ZCCHC14: variants seen among roughly 807,000 people sequenced by gnomAD.
ZCCHC14 encodes zinc finger CCHC domain-containing protein 14.
In ZCCHC14, 16 loss-of-function variants were observed where a neutral mutation model predicts 85.0. The observed-to-expected ratio is 0.19, with a 90% CI of 0.13 to 0.29. ZCCHC14 has a LOEUF of 0.29. ZCCHC14 is among the 10% of genes least tolerant of loss of function. The probability of loss-of-function intolerance (pLI) is 1.00; values close to 1 mark genes in which losing one functional copy is unlikely to be tolerated. For synonymous variants in ZCCHC14, 775 were observed against 630.7 expected (o/e 1.23, Z -3.43); for missense variants, 1,303 against 1,443.5 (o/e 0.90, Z 1.58).
At chr16:87,461,667 G>GCCTCGA (rs1307684962) in intron 1 of ZCCHC14, among the ~76,000 whole-genome samples, 1 of 152,210 alleles carries the variant, frequency 6.6e-6, no homozygotes, top group Non-Finnish European at 1.5e-5. Flanking sequence ...GGTAGGCGTG[G>GCCTCGA]CCTCGACCTC....
Position 87,491,657 on chromosome 16 carries a change from G to T in ZCCHC14, c.570+12C>A, listed in dbSNP as rs1820939622. 10 of 1,397,694 alleles carry T rather than the reference G, an allele frequency of 7.2e-6. 1 individual carries two copies. In the African/African-American group the frequency reaches 7.6e-5, roughly 11 times the overall value. The allele number at this position is 1,397,694 out of a possible 1,614,324, so 86.6% of individuals were successfully genotyped here. On this transcript the variant is annotated intron_variant, in intron 1 of 12. Transcript: ENST00000671377. This position sits in a 1 kb window ranked among gnomAD's most constrained non-coding sequence, Gnocchi z 5.9. ...CTTGGGGTACAGGGCAGAGCTCGGGGCGGGCACGCACCTTGTGGCAGGCTG... is the reference window on the plus strand; with the variant it reads ...CTTGGGGTACAGGGCAGAGCTCGGGTCGGGCACGCACCTTGTGGCAGGCTG...
intron 2 of ZCCHC14, among the ~76,000 whole-genome samples, chr16:87,449,599 G>A (rs1160686614): frequency 6.6e-6 from 1 of 152,056 alleles, no homozygotes; most frequent in Non-Finnish European, 1.5e-5. Flanking sequence ...TCCGCCAAAT[G>A]TCTTTCTTTA....
chr16:87,457,983 C>G lies in ZCCHC14; in HGVS notation c.694+2025G>C, dbSNP rs147255330. Among the ~76,000 whole-genome samples the G allele has an allele frequency of 2.5e-3, 378 of 152,280 alleles. 2 individuals are homozygous for G. Among genetic ancestry groups the G allele is most frequent in the African/African-American group, 8.7e-3 (360 of 41,546 alleles). ...CACTCGTGGCCTCAGAGCCGACCCG[C>G]CAGCCTACGCAGGCTTTGCCACAGC... is the stretch of plus-strand genomic sequence containing the variant. On this transcript the variant is annotated intron_variant, in intron 2 of 12. Transcript: ENST00000671377.
intron 1 of ZCCHC14, chr16:87,467,010 T>C: frequency 2.4e-6 from 1 of 412,054 alleles, no homozygotes; most frequent in Non-Finnish European, 4.4e-6. Flanking sequence ...ACAGTCACTT[T>C]GGAGGTCACG....
At chr16:87,421,636 C>T (rs192382740) in intron 4 of ZCCHC14, among the ~76,000 whole-genome samples, 22 of 152,114 alleles carry the variant, frequency 1.4e-4, no homozygotes, top group African/African-American at 4.8e-5. Context: ...GTAGAGAGTG[C>T]CCTGCTGTGT....
chr16:87,413,641 T>C (rs552268176), intron 10 of ZCCHC14, among the ~76,000 whole-genome samples: 1 of 152,142 alleles, frequency 6.6e-6, no homozygotes, highest in East Asian at 1.9e-4. Flanking sequence ...GCTCCTCTTG[T>C]GAGACAACGG....
intron 2 of ZCCHC14, among the ~76,000 whole-genome samples, chr16:87,444,737 A>G (rs1323627526): frequency 1.3e-5 from 2 of 152,234 alleles, no homozygotes; most frequent in African/African-American, 2.4e-5. Context: ...TATCCGGGTC[A>G]TGAAAGACAA....
rs1911234153 is a variant in ZCCHC14, at chr16:87,461,105, C to G, written c.571-974G>C. ...CAGACAGTGTACCTGCAGGTGACGG[C>G]CGCCCCCAAGCTGTGGGTGGGGGAG... On this transcript the variant is annotated intron_variant, in intron 1 of 12. Coordinates refer to ENST00000671377, the MANE Select transcript of ZCCHC14 (RefSeq NM_015144.3). 2.0e-5 allele frequency among the ~76,000 whole-genome samples: 3 copies of G among 152,218 alleles called. No homozygotes were observed. The South Asian group carries it at 6.2e-4, about 31-fold the overall frequency.
At chr16:87,452,125 A>C (rs1910736622) in intron 2 of ZCCHC14, among the ~76,000 whole-genome samples, 1 of 152,262 alleles carries the variant, frequency 6.6e-6, no homozygotes, top group Non-Finnish European at 1.5e-5. Context: ...GGCCAGAGAC[A>C]GAGGGACCCA....
intron 1 of ZCCHC14, among the ~76,000 whole-genome samples, chr16:87,486,771 G>A (rs559500209): frequency 1.3e-4 from 20 of 152,354 alleles, no homozygotes; most frequent in Admixed American, 4.6e-4. Flanking sequence ...AAGACAGCCA[G>A]AAGACTTAGT....
Position 87,418,888 on chromosome 16 carries a change from G to A in ZCCHC14, c.1059C>T (p.Pro353=), listed in dbSNP as rs137981479. ...QQLQSPSPGN[P]SLSKVGTVMG... is the part of the protein sequence containing the mutation. Reference sequence around the variant, plus strand: ...TCACGGTACCTACTTTAGAAAGGGAGGGATTGCCAGGACCTATAAATTTAA... The same window carrying A: ...TCACGGTACCTACTTTAGAAAGGGAAGGATTGCCAGGACCTATAAATTTAA... Residue 353 remains proline (P), a synonymous_variant, in exon 7 of 13, where the codon CCC becomes CCT. Coordinates refer to ENST00000671377, the MANE Select transcript of ZCCHC14 (RefSeq NM_015144.3). 33 of 1,612,492 alleles carry A rather than the reference G, an allele frequency of 2.0e-5. No homozygotes were observed. In the African/African-American group the frequency reaches 3.1e-4, roughly 15 times the overall value.
At position 87,456,533 on chromosome 16, in the gene ZCCHC14, C is replaced by CAAAAAAAAA. The variant is rs60817141; in HGVS notation, c.694+3466_694+3474dup. 1.0e-3 allele frequency among the ~76,000 whole-genome samples: 64 copies of CAAAAAAAAA among 63,362 alleles called. 6 individuals carry two copies. Among genetic ancestry groups the CAAAAAAAAA allele is most frequent in the East Asian group, 5.8e-3 (14 of 2,428 alleles). 41.6% of individuals were successfully genotyped at this position (63,362 alleles called of 152,430 possible). ...GGGCGACAGAGCAAGACTCTGTCTCCAAAAAAAAAAAAAAAAAAAAAAAAA... is the reference window on the plus strand; with the variant it reads ...GGGCGACAGAGCAAGACTCTGTCTCCAAAAAAAAAAAAAAAAAAAAAAAAAAAAAAAAAA... On this transcript the variant is annotated intron_variant, in intron 2 of 12. Coordinates refer to ENST00000671377, the MANE Select transcript of ZCCHC14 (RefSeq NM_015144.3).
At chr16:87,449,095 C>G (rs1354900272) in intron 2 of ZCCHC14, among the ~76,000 whole-genome samples, 2 of 152,212 alleles carry the variant, frequency 1.3e-5, no homozygotes, top group South Asian at 4.1e-4. Flanking sequence ...CCTGAACAGT[C>G]ACGGAGCATG....
chr16:87,417,268 C>A lies in ZCCHC14; in HGVS notation c.1383+192G>T, dbSNP rs574819218. ...CCCTAGACAAGCTGTTTGTTTACAA[C>A]ATGTCCTGTTTGTGGCTGGCTGCAG... On this transcript the variant is annotated intron_variant, in intron 8 of 12. Coordinates refer to ENST00000671377, the MANE Select transcript of ZCCHC14 (RefSeq NM_015144.3). 2.6e-5 allele frequency among the ~76,000 whole-genome samples: 4 copies of A among 152,316 alleles called. No homozygotes were observed. In the South Asian group the frequency reaches 8.3e-4, roughly 32 times the overall value.
chr16:87,491,803 T>C lies in ZCCHC14; in HGVS notation c.436A>G (p.Ser146Gly). 6.3e-7 allele frequency: 1 copy of C among 1,584,866 alleles called. No individual in the cohort carries two copies. Among genetic ancestry groups the C allele is most frequent in the Non-Finnish European group, 8.5e-7 (1 of 1,169,848 alleles). Residue 146 changes from serine to glycine, a missense_variant, in exon 1 of 13, where the codon AGC becomes GGC. Transcript: ENST00000671377. This position sits in a 1 kb window ranked among gnomAD's most constrained non-coding sequence, Gnocchi z 5.9. ...CGCAGCACCTGCTTCTGGTGGAAGC[T>C]GAAGGCCGGGTGGTTGGAGGCCATG... ...FTMASNHPAF[S>G]FHQKQVLRQE...
In ZCCHC14 at chr16:87,420,558, C is replaced by A. The variant is rs1307476860; in HGVS notation, c.950+49G>T. The A allele has an allele frequency of 6.7e-7, 1 of 1,486,710 alleles. No homozygotes were observed. The allele number at this position is 1,486,710 out of a possible 1,614,324, so 92.1% of individuals were successfully genotyped here. ...ACCACAGCATTGACCACAGGACCAG[C>A]CTGTCCTTGCCAGCTGTGGACGCGC... On this transcript the variant is annotated intron_variant, in intron 5 of 12. Coordinates refer to ENST00000671377, the MANE Select transcript of ZCCHC14 (RefSeq NM_015144.3). This position sits in a 1 kb window ranked among gnomAD's most constrained non-coding sequence, Gnocchi z 5.0.
chr16:87,428,551 T>C (rs578008246), intron 3 of ZCCHC14, among the ~76,000 whole-genome samples: 14 of 152,356 alleles, frequency 9.2e-5, no homozygotes, highest in African/African-American at 3.4e-4. Context: ...AGTATTTTTT[T>C]TTAACAAAAG....
At chr16:87,485,679 T>C (rs1912485358) in intron 1 of ZCCHC14, among the ~76,000 whole-genome samples, 2 of 152,028 alleles carry the variant, frequency 1.3e-5, no homozygotes, top group Admixed American at 6.6e-5. Context: ...AGCAGAAATT[T>C]TTCCTAGCAT....
chr16:87,479,204 G>T (rs1326396952), intron 1 of ZCCHC14, among the ~76,000 whole-genome samples: 2 of 151,806 alleles, frequency 1.3e-5, no homozygotes, highest in Non-Finnish European at 2.9e-5. Context: ...ATCACCTGAG[G>T]TCAGGAGTTC....
Sources: allele counts gnomAD v4.1 joint callset (sites outside exome capture counted in the v4.1 genomes callset), GRCh38; gene constraint gnomAD v4.1.1; non-coding constraint Gnocchi (gnomAD v3.1); transcripts MANE v1.5; gene names NCBI Gene and HGNC (gene_info 2026-07-23, HGNC 2026-07-21).